OXCT1: variants seen among roughly 807,000 people sequenced by gnomAD.
OXCT1 encodes the protein succinyl-CoA:3-ketoacid coenzyme A transferase 1, mitochondrial.
A neutral mutation model predicts 69.6 loss-of-function variants in OXCT1; 27 were observed. The observed-to-expected ratio is 0.39, with a 90% CI of 0.29 to 0.54. OXCT1 has a LOEUF of 0.54. Ranked by LOEUF, OXCT1 falls within the 20% of genes least tolerant of loss-of-function variation. OXCT1 has a pLI of 0.72. For missense variants in OXCT1, 437 were observed against 650.2 expected, an observed-to-expected ratio of 0.67 and a Z score of 3.57; for synonymous variants, 202 against 217.8, an observed-to-expected ratio of 0.93 and a Z score of 0.64.
chr5:41,847,137 G>C (rs1748952314), intron 5 of OXCT1, among the ~76,000 whole-genome samples: 1 of 151,796 alleles, frequency 6.6e-6, no homozygotes, highest in South Asian at 2.1e-4. Flanking sequence ...TACCATCAGA[G>C]AATACTACAA....
At chr5:41,817,167 T>A (rs2112316235) in intron 7 of OXCT1, among the ~76,000 whole-genome samples, 1 of 152,270 alleles carries the variant, frequency 6.6e-6, no homozygotes, top group African/African-American at 2.4e-5. Flanking sequence ...GATGTCAATA[T>A]TTAGTAAGGG....
At chr5:41,735,494 G>C (rs1742841967) in intron 16 of OXCT1, among the ~76,000 whole-genome samples, 1 of 152,222 alleles carries the variant, frequency 6.6e-6, no homozygotes, top group Admixed American at 6.5e-5. Context: ...AAAAGTTCTA[G>C]AGATCTGTTG....
intron 1 of OXCT1, among the ~76,000 whole-genome samples, chr5:41,865,882 A>G (rs1313452662): frequency 6.6e-6 from 1 of 152,162 alleles, no homozygotes; most frequent in Admixed American, 6.5e-5. Flanking sequence ...ACTTTTCTTC[A>G]TTCTCCACTA....
intron 10 of OXCT1, among the ~76,000 whole-genome samples, chr5:41,802,058 C>T (rs1220935915): frequency 6.6e-6 from 1 of 152,058 alleles, no homozygotes; most frequent in Non-Finnish European, 1.5e-5. Context: ...GGATAATCCA[C>T]AAATTTATTT....
Position 41,845,104 on chromosome 5 carries a change from A to G in OXCT1, c.565-2323T>C, listed in dbSNP as rs77435205. Among the ~76,000 whole-genome samples, 91 of 152,178 alleles carry G rather than the reference A, an allele frequency of 6.0e-4. 2 individuals are homozygous for G. The East Asian group carries it at 0.017, about 28-fold the overall frequency. ...TGAATTTGACTCCTGCCTCTCTTCAATCTCCATCCTTATCACTCTCTGCCT... is the reference window on the plus strand; with the variant it reads ...TGAATTTGACTCCTGCCTCTCTTCAGTCTCCATCCTTATCACTCTCTGCCT... On this transcript the variant is annotated intron_variant, in intron 5 of 16. Transcript: ENST00000196371.
At chr5:41,827,231 G>T (rs558802368) in intron 7 of OXCT1, among the ~76,000 whole-genome samples, 2 of 152,246 alleles carry the variant, frequency 1.3e-5, no homozygotes, top group South Asian at 4.1e-4. Context: ...CCTACATTCA[G>T]ATTTTTATAA....
At chr5:41,863,650 G>A (rs2112478263) in intron 1 of OXCT1, among the ~76,000 whole-genome samples, 1 of 152,206 alleles carries the variant, frequency 6.6e-6, no homozygotes, top group South Asian at 2.1e-4. Context: ...ATCATTTGTG[G>A]CCACCCAAAA....
intron 7 of OXCT1, among the ~76,000 whole-genome samples, chr5:41,814,964 G>A (rs143078407): frequency 1.0e-3 from 156 of 152,186 alleles, no homozygotes; most frequent in African/African-American, 3.6e-3. Flanking sequence ...TCAACCTAAT[G>A]TATCTCATTA....
chr5:41,784,450 A>G (rs1745554615), intron 13 of OXCT1, among the ~76,000 whole-genome samples: 1 of 152,204 alleles, frequency 6.6e-6, no homozygotes, highest in Non-Finnish European at 1.5e-5. Flanking sequence ...TCAAACCACA[A>G]CAGGCTTTAT....
At chr5:41,813,419 C>G (rs867761883) in intron 7 of OXCT1, among the ~76,000 whole-genome samples, 18 of 152,038 alleles carry the variant, frequency 1.2e-4, no homozygotes, top group African/African-American at 4.1e-4. Context: ...TGGGTCAATT[C>G]ACATACACAA....
At chr5:41,804,234 C>T (rs951158129) in intron 9 of OXCT1, among the ~76,000 whole-genome samples, 5 of 152,062 alleles carry the variant, frequency 3.3e-5, no homozygotes, top group African/African-American at 1.2e-4. Flanking sequence ...ATGCACAGAA[C>T]ACATTAGGAT....
At chr5:41,772,424 G>C (rs1280137812) in intron 13 of OXCT1, among the ~76,000 whole-genome samples, 11 of 151,688 alleles carry the variant, frequency 7.3e-5, no homozygotes, top group African/African-American at 2.4e-4. Context: ...CATTACCAGT[G>C]TTTTTTTCCA....
At chr5:41,804,369 G>A (rs1746568563) in intron 9 of OXCT1, among the ~76,000 whole-genome samples, 1 of 151,898 alleles carries the variant, frequency 6.6e-6, no homozygotes, top group African/African-American at 2.4e-5. Context: ...TCAAACACCA[G>A]GGAGGAAAAA....
At chr5:41,856,676 T>A (rs1749443991) in intron 3 of OXCT1, among the ~76,000 whole-genome samples, 1 of 152,198 alleles carries the variant, frequency 6.6e-6, no homozygotes, top group Non-Finnish European at 1.5e-5. Flanking sequence ...AAATGCTGAA[T>A]CTGATAAGAT....
At chr5:41,866,769 C>T (rs998444908) in intron 1 of OXCT1, among the ~76,000 whole-genome samples, 3 of 152,216 alleles carry the variant, frequency 2.0e-5, no homozygotes, top group African/African-American at 7.2e-5. Flanking sequence ...ATTGAGGGAA[C>T]ATACATGTTC....
chr5:41,850,652 T>C (rs1749133433), intron 4 of OXCT1, among the ~76,000 whole-genome samples: 1 of 152,202 alleles, frequency 6.6e-6, no homozygotes, highest in African/African-American at 2.4e-5. Context: ...TTCATAAATA[T>C]TTTTATCTAC....
chr5:41,769,566 A>G (rs1479138751), intron 13 of OXCT1, among the ~76,000 whole-genome samples: 1 of 151,376 alleles, frequency 6.6e-6, no homozygotes, highest in Non-Finnish European at 1.5e-5. Flanking sequence ...CTACCAAAAA[A>G]AAAAAAAAAA....
chr5:41,738,273 T>C (rs532524185), intron 16 of OXCT1, among the ~76,000 whole-genome samples: 6 of 152,346 alleles, frequency 3.9e-5, no homozygotes, highest in African/African-American at 1.4e-4. Flanking sequence ...TATCCCTTTC[T>C]GATATGGTTT....
intron 13 of OXCT1, among the ~76,000 whole-genome samples, chr5:41,782,598 G>GT (rs994359647): frequency 4.6e-5 from 7 of 151,330 alleles, no homozygotes; most frequent in East Asian, 1.9e-4. Context: ...AATGGGGTTA[G>GT]TTTTTTTTTG....
Sources: gnomAD v4.1 joint callset for allele counts (sites outside exome capture counted in the v4.1 genomes callset) on GRCh38, gnomAD v4.1.1 for gene constraint, MANE v1.5 for transcripts, NCBI Gene and HGNC (gene_info 2026-07-23, HGNC 2026-07-21) for gene names.